Variants in LMNTD2 observed in about 807,000 individuals in gnomAD.
LMNTD2 encodes lamin tail domain containing 2, also known as lamin tail domain-containing protein 2.
Under a neutral mutation model 70.1 loss-of-function variants are expected in LMNTD2, and 83 were observed. The observed-to-expected ratio is 1.18, with a 90% CI of 0.99 to 1.42. LMNTD2 has a LOEUF of 1.42. Ranked by LOEUF, LMNTD2 falls within the 40% of genes most tolerant of loss-of-function variation. The pLI is 0.00. For synonymous variants in LMNTD2, 534 were observed against 406.1 expected (o/e 1.31, Z -3.79); for missense variants, 1,153 against 905.9 (o/e 1.27, Z -3.50).
In LMNTD2 at chr11:555,116, G is replaced by A; in HGVS notation, c.1774-5C>T. The A allele has an allele frequency of 1.4e-6, 2 of 1,451,908 alleles. No homozygotes were observed. The highest frequency in any genetic ancestry group is 1.8e-6 in the Non-Finnish European group (2 of 1,101,080). The allele number at this position is 1,451,908 out of a possible 1,614,324, so 89.9% of individuals were successfully genotyped here. On this transcript the variant is annotated splice_region_variant and splice_polypyrimidine_tract_variant and intron_variant, in intron 13 of 13. Transcript: ENST00000329451. ...GTCCACGCTCTTCCGGCACACCTGG[G>A]GGGCGCGGGGGCTGAGAGGCGCGCG...
At position 556,482 on chromosome 11, in the gene LMNTD2, C is replaced by A. The variant is rs372333464; in HGVS notation, c.1073+10G>T. On this transcript the variant is annotated intron_variant, in intron 9 of 13. Transcript: ENST00000329451. ...TCCGGCGCCGGAGGCTTGGGTCACT[C>A]GCCCCTTACCTCTGCAGGAGTTCCG... 1 of 1,550,312 alleles carries A rather than the reference C, an allele frequency of 6.5e-7. No individual in the cohort carries two copies.
chr11:559,231 C>T (rs1853120420), intron 1 of LMNTD2: 5 of 1,487,888 alleles, frequency 3.4e-6, no homozygotes, highest in East Asian at 2.6e-5. Flanking sequence ...GGTCACCACC[C>T]GACATGTCCC....
chr11:558,440 C>CAGGGTT (rs1853044534), intron 3 of LMNTD2, 174 bp downstream of exon 3: 1 of 1,066,530 alleles, frequency 9.4e-7, no homozygotes, highest in African/African-American at 1.6e-5. Flanking sequence ...TCCACATGCG[C>CAGGGTT]AGGGTTAGGG....
chr11:559,806 C>T lies in LMNTD2; in HGVS notation c.35-827G>A. 3.0e-6 allele frequency: 3 copies of T among 1,013,932 alleles called. No homozygotes were observed. In the South Asian group the frequency reaches 1.0e-4, roughly 34 times the overall value. The allele number at this position is 1,013,932 out of a possible 1,614,324, so 62.8% of individuals were successfully genotyped here. A position where few individuals can be genotyped will look rare whatever the true frequency, so the allele number is the denominator to read the frequency against. ...ACAGGGTCTTGCTCCGCTGTCCAGG[C>T]TGGAATGCTTCGGTGTGATGACAGC... On this transcript the variant is annotated intron_variant, in intron 1 of 13. Coordinates refer to ENST00000329451, the MANE Select transcript of LMNTD2 (RefSeq NM_173573.3).
At chr11:557,542 C>G in intron 6 of LMNTD2, 30 bp downstream of exon 6, 1 of 1,613,448 alleles carries the variant, frequency 6.2e-7, no homozygotes, top group East Asian at 2.2e-5. Flanking sequence ...CTCCAGATAC[C>G]AGACCACACA....
Position 558,030 on chromosome 11 carries a change from GCTCCTT to G in LMNTD2, c.403_408del (p.Lys135_Glu136del). 6.3e-7 allele frequency: 1 copy of G among 1,579,274 alleles called. No individual in the cohort carries two copies. The highest frequency in any genetic ancestry group is 8.6e-7 in the Non-Finnish European group (1 of 1,160,762). Reference sequence around the variant, plus strand: ...GTCTGCAGCAGCCGCTCCTCCAGGTGCTCCTTCTCCTGCTCCGAGAGGGCCTGTGGT... The same window carrying G: ...GTCTGCAGCAGCCGCTCCTCCAGGTGCTCCTGCTCCGAGAGGGCCTGTGGT... On this transcript the variant is annotated inframe_deletion, in exon 5 of 14. Coordinates refer to ENST00000329451, the MANE Select transcript of LMNTD2 (RefSeq NM_173573.3).
chr11:559,544 G>T (rs991597174), intron 1 of LMNTD2: 5 of 1,221,762 alleles, frequency 4.1e-6, no homozygotes, highest in Non-Finnish European at 5.3e-6. Flanking sequence ...CTTAGCGGGG[G>T]GACCACTTAG....
At chr11:560,495 T>G in intron 1 of LMNTD2, 188 bp downstream of exon 1, 1 of 1,260,064 alleles carries the variant, frequency 7.9e-7, no homozygotes, top group Non-Finnish European at 1.0e-6. Context: ...CCCCTGCGCG[T>G]CCAGACTACT....
chr11:555,733 C>T lies in LMNTD2; in HGVS notation c.1574+1G>A. 7.1e-7 allele frequency: 1 copy of T among 1,398,846 alleles called. No homozygotes were observed. The highest frequency in any genetic ancestry group is 9.2e-7 in the Non-Finnish European group (1 of 1,088,322). The allele number at this position is 1,398,846 out of a possible 1,614,324, so 86.7% of individuals were successfully genotyped here. On this transcript the variant is annotated splice_donor_variant, in intron 12 of 13. Coordinates refer to ENST00000329451, the MANE Select transcript of LMNTD2 (RefSeq NM_173573.3). LOFTEE classifies it high-confidence loss of function. ...AGATCCCGGGGACCCGCGGTCCCCA[C>T]CCTGGTCTCCGGCGACTGACCCGGG...
chr11:554,960 C>T lies in LMNTD2; in HGVS notation c.*20G>A, dbSNP rs2134086044. On this transcript the variant is annotated 3_prime_UTR_variant, in exon 14 of 14. Coordinates refer to ENST00000329451, the MANE Select transcript of LMNTD2 (RefSeq NM_173573.3). The stretch of plus-strand genomic sequence containing the variant: ...CCCGCCCGCGCCCTCCCTCGCGGTC[C>T]CGGCCCCACTCCTCCGCCCCTAGGC... The T allele has an allele frequency of 2.0e-6, 3 of 1,532,222 alleles. No individual in the cohort carries two copies. Among genetic ancestry groups the T allele is most frequent in the Non-Finnish European group, 2.6e-6 (3 of 1,143,362 alleles). 94.9% of individuals were successfully genotyped at this position (1,532,222 alleles called of 1,614,324 possible). A position where few individuals can be genotyped will look rare whatever the true frequency, so the allele number is the denominator to read the frequency against.
Position 558,745 on chromosome 11 carries a change from GTCCA to G in LMNTD2, c.176_179del (p.Leu59ProfsTer61). On this transcript the variant is annotated frameshift_variant, in exon 3 of 14. Transcript: ENST00000329451. LOFTEE classifies it high-confidence loss of function. ...TCCACAGCAGCCGCAGTGTGCGAGG[GTCCA>G]GGGACTCAAGAGCCAACCTGCAGCG... is the stretch of plus-strand genomic sequence containing the variant. The G allele has an allele frequency of 6.2e-7, 1 of 1,607,390 alleles. No individual in the cohort carries two copies. The highest frequency in any genetic ancestry group is 8.5e-7 in the Non-Finnish European group (1 of 1,176,826).
At position 557,888 on chromosome 11, in the gene LMNTD2, A is replaced by C; in HGVS notation, c.551T>G (p.Val184Gly). ...GRMLRSQTGS[V>G]EVVTAETLMD... ...GGGCTTGGGGGACAGGCTCACCTCC[A>C]CACTGCCAGTCTGGGATCGTAGCAT... The change falls in exon 5 of 14, where the codon GTG (valine) becomes GGG (glycine). Residue 184 changes from valine (V) to glycine (G), a missense_variant. Val to Gly is a moderately radical substitution (Grantham distance 109, BLOSUM62 -3). Coordinates refer to ENST00000329451, the MANE Select transcript of LMNTD2 (RefSeq NM_173573.3). The C allele has an allele frequency of 1.3e-6, 2 of 1,566,584 alleles. No individual in the cohort carries two copies. Among genetic ancestry groups the C allele is most frequent in the Non-Finnish European group, 1.7e-6 (2 of 1,156,994 alleles).
chr11:554,986 G>T lies in LMNTD2; in HGVS notation c.1899C>A (p.Gly633=), dbSNP rs368969383. 1.5e-4 allele frequency: 237 copies of T among 1,580,272 alleles called. No individual in the cohort carries two copies. The African/African-American group carries it at 3.0e-3, about 20-fold the overall frequency. The stretch of plus-strand genomic sequence containing the variant: ...CGGCCCCACTCCTCCGCCCCTAGGC[G>T]CCGCGGCAGGTGTCCGCGGTGACCG... The part of the protein sequence containing the change: ...CLPVTADTCR[G]A Residue 633 remains glycine (G), a synonymous_variant, in exon 14 of 14, where the codon GGC becomes GGA. Transcript: ENST00000329451.
intron 7 of LMNTD2, 97 bp downstream of exon 7, chr11:557,302 C>T (rs1003490315): frequency 1.7e-5 from 25 of 1,442,126 alleles, no homozygotes; most frequent in Non-Finnish European, 2.3e-5. Flanking sequence ...GAGACTTATC[C>T]AGGGACACTA....
At chr11:560,640 GGCT>G (rs1247871914) in intron 1 of LMNTD2, 40 bp downstream of exon 1, 37 of 1,359,788 alleles carry the variant, frequency 2.7e-5, no homozygotes, top group Non-Finnish European at 3.4e-5. Context: ...CACACTAGAA[GGCT>G]GCTGAGGAAG....
rs778715756 is a variant in LMNTD2, at chr11:555,313, G to C, written c.1765C>G (p.Arg589Gly). 14 of 1,419,298 alleles carry C rather than the reference G, an allele frequency of 9.9e-6. No homozygotes were observed. Among genetic ancestry groups the C allele is most frequent in the Non-Finnish European group, 1.2e-5 (13 of 1,089,132 alleles). 87.9% of individuals were successfully genotyped at this position (1,419,298 alleles called of 1,614,324 possible). ...LEDCRLQKEH[R>G]VRVCRKSVDR... ...CGCAAGCGCGCACTCACCCGAACTC[G>C]GTGTTCTTTCTGGAGCCGACAGTCC... Residue 589 changes from arginine to glycine, a missense_variant, in exon 13 of 14, where the codon CGA becomes GGA. Physicochemically the swap from Arg to Gly is moderately radical, Grantham distance 125. Transcript: ENST00000329451.
Position 554,921 on chromosome 11 carries a change from G to A in LMNTD2, c.*59C>T, listed in dbSNP as rs1375378546. On this transcript the variant is annotated 3_prime_UTR_variant, in exon 14 of 14. Coordinates refer to ENST00000329451, the MANE Select transcript of LMNTD2 (RefSeq NM_173573.3). ...ATAAATGATGCAGCGGACACAGCCC[G>A]CCCAGCCCCGGCGCCCGCCCGCGCC... 30 of 1,287,176 alleles carry A rather than the reference G, an allele frequency of 2.3e-5. No individual in the cohort carries two copies. Among genetic ancestry groups the A allele is most frequent in the Non-Finnish European group, 3.0e-5 (29 of 968,096 alleles). 79.7% of individuals were successfully genotyped at this position (1,287,176 alleles called of 1,614,324 possible).
In LMNTD2 at chr11:556,378, G is replaced by A. The variant is rs1482129786; in HGVS notation, c.1074-3C>T. 1.7e-5 allele frequency: 26 copies of A among 1,536,358 alleles called. No homozygotes were observed. The highest frequency in any genetic ancestry group is 1.7e-4 in the Middle Eastern group (1 of 5,966). ...CCACGATCTTCAGGCCTGTCGGGCT[G>A]GGAAGAGAGGAGACGCTGTGAGGAG... On this transcript the variant is annotated splice_polypyrimidine_tract_variant and splice_region_variant and intron_variant, in intron 9 of 13. Coordinates refer to ENST00000329451, the MANE Select transcript of LMNTD2 (RefSeq NM_173573.3).
rs1314302769 is a variant in LMNTD2 at position 557,083 on chromosome 11, C to G, written c.728G>C (p.Trp243Ser). 1 of 1,599,928 alleles carries G rather than the reference C, an allele frequency of 6.3e-7. No homozygotes were observed. The highest frequency in any genetic ancestry group is 2.2e-5 in the East Asian group (1 of 44,568). ...PSSKQKQPRP[W>S]PQLDTGSPES... Reference sequence around the variant, plus strand: ...TGGGCTCCCTGTGTCCAGCTGTGGCCAGGGCCGGGGCTGCCTGTGGACCAC... The same window carrying G: ...TGGGCTCCCTGTGTCCAGCTGTGGCGAGGGCCGGGGCTGCCTGTGGACCAC... Residue 243 changes from tryptophan (W) to serine (S), a missense_variant, in exon 8 of 14, where the codon TGG becomes TCG. Transcript: ENST00000329451.
Sources: gnomAD v4.1 joint callset for allele counts on GRCh38, gnomAD v4.1.1 for gene constraint, MANE v1.5 for transcripts, NCBI Gene and HGNC (gene_info 2026-07-23, HGNC 2026-07-21) for gene names.